GRID1: variants seen among roughly 807,000 people sequenced by gnomAD.
The protein encoded by GRID1 is glutamate ionotropic receptor delta type subunit 1.
Under a neutral mutation model 98.0 loss-of-function variants are expected in GRID1, and 28 were observed. The ratio of observed to expected loss-of-function variants is 0.29; its 90% CI spans 0.21 to 0.39. GRID1 has a LOEUF of 0.39. Among genes scored for constraint, GRID1 ranks in the 10% least tolerant of loss-of-function variants. The pLI is 1.00. For missense variants in GRID1, 1,111 were observed against 1,340.5 expected, an observed-to-expected ratio of 0.83 and a Z score of 2.67; for synonymous variants, 553 against 538.5, an observed-to-expected ratio of 1.03 and a Z score of -0.37.
intron 4 of GRID1, among the ~76,000 whole-genome samples, chr10:86,081,058 C>T (rs1170187892): frequency 6.6e-6 from 1 of 152,164 alleles, no homozygotes; most frequent in Non-Finnish European, 1.5e-5. Flanking sequence ...TCACTGCCAG[C>T]ATCTGCTGCA....
rs1056883710 is a variant in GRID1 at position 85,825,173 on chromosome 10, C to T, written c.1233+29323G>A. Among the ~76,000 whole-genome samples, 11 of 152,266 alleles carry T rather than the reference C, an allele frequency of 7.2e-5. 1 individual carries two copies. The highest frequency in any genetic ancestry group is 2.6e-4 in the African/African-American group (11 of 41,546). Reference sequence around the variant, plus strand: ...CATTCCCACCAGCAGTGTGTGTTTCCTTTTCACCACATCCATGCCAACATC... The same window carrying T: ...CATTCCCACCAGCAGTGTGTGTTTCTTTTTCACCACATCCATGCCAACATC... On this transcript the variant is annotated intron_variant, in intron 8 of 15. Coordinates refer to ENST00000327946, the MANE Select transcript of GRID1 (RefSeq NM_017551.3).
chr10:85,827,297 G>GATCATTC (rs1842828622), intron 8 of GRID1, among the ~76,000 whole-genome samples: 1 of 152,052 alleles, frequency 6.6e-6, no homozygotes, highest in Non-Finnish European at 1.5e-5. Context: ...TCATCAGATA[G>GATCATTC]AGCTAAAAAA....
At chr10:85,616,359 G>A (rs1354252085) in intron 14 of GRID1, among the ~76,000 whole-genome samples, 2 of 152,166 alleles carry the variant, frequency 1.3e-5, no homozygotes, top group African/African-American at 4.8e-5. Context: ...GGGTCATTCT[G>A]ACCCAGGAGG....
At chr10:86,273,597 T>C (rs1272435839) in intron 2 of GRID1, among the ~76,000 whole-genome samples, 1 of 151,912 alleles carries the variant, frequency 6.6e-6, no homozygotes, top group Non-Finnish European at 1.5e-5. Context: ...TTTTTAATGA[T>C]TGCCATTCTA....
At chr10:85,760,590 A>G (rs1401318274) in intron 8 of GRID1, among the ~76,000 whole-genome samples, 3 of 152,202 alleles carry the variant, frequency 2.0e-5, no homozygotes, top group Non-Finnish European at 4.4e-5. Flanking sequence ...CAAGCCTTTC[A>G]GTGTCTTGGA....
chr10:85,998,424 A>C (rs1842765926), intron 4 of GRID1, among the ~76,000 whole-genome samples: 1 of 152,206 alleles, frequency 6.6e-6, no homozygotes, highest in South Asian at 2.1e-4. Context: ...ATTAGAAAAT[A>C]TTTTGAATTA....
chr10:85,977,661 G>A (rs1256538694), intron 4 of GRID1, among the ~76,000 whole-genome samples: 12 of 152,172 alleles, frequency 7.9e-5, no homozygotes, highest in Non-Finnish European at 1.5e-5. Flanking sequence ...CACACTCAAG[G>A]CTGTCCCTCT....
chr10:85,644,758 C>A (rs568854876), intron 13 of GRID1, among the ~76,000 whole-genome samples: 4 of 152,278 alleles, frequency 2.6e-5, no homozygotes, highest in African/African-American at 9.6e-5. Flanking sequence ...AGCTCTTCTC[C>A]AAAGTGATTG....
At chr10:86,304,028 G>A (rs1380251302) in intron 2 of GRID1, among the ~76,000 whole-genome samples, 1 of 152,156 alleles carries the variant, frequency 6.6e-6, no homozygotes, top group Non-Finnish European at 1.5e-5. Flanking sequence ...CCCTCCAGCT[G>A]GAGACTCTTG....
chr10:85,978,001 G>A (rs1308861845), intron 4 of GRID1, among the ~76,000 whole-genome samples: 2 of 152,106 alleles, frequency 1.3e-5, no homozygotes, highest in Non-Finnish European at 1.5e-5. Flanking sequence ...TGGGCCAGAG[G>A]GCCAAAAGAG....
intron 3 of GRID1, among the ~76,000 whole-genome samples, chr10:86,199,977 T>C (rs558560367): frequency 6.6e-6 from 1 of 151,798 alleles, no homozygotes; most frequent in Admixed American, 6.6e-5. Context: ...TTTCTGGGGA[T>C]CCTGAGCATC....
chr10:86,225,889 C>T (rs1280444611), intron 2 of GRID1, among the ~76,000 whole-genome samples: 1 of 152,174 alleles, frequency 6.6e-6, no homozygotes, highest in Non-Finnish European at 1.5e-5. Context: ...CATGACATCA[C>T]GGCCGTGTGT....
Position 86,013,425 on chromosome 10 carries a change from A to T in GRID1, c.727-97186T>A, listed in dbSNP as rs887846904. ...ATACAAAAAGTAATGAGTTATATAG[A>T]TTGACAGTGGATCATCATAAACTTA... On this transcript the variant is annotated intron_variant, in intron 4 of 15. Transcript: ENST00000327946. Among the ~76,000 whole-genome samples the T allele has an allele frequency of 3.3e-5, 5 of 152,236 alleles. 1 individual carries two copies. Among genetic ancestry groups the T allele is most frequent in the Non-Finnish European group, 7.3e-5 (5 of 68,046 alleles).
chr10:86,036,768 G>C (rs543373997), intron 4 of GRID1, among the ~76,000 whole-genome samples: 4 of 152,264 alleles, frequency 2.6e-5, no homozygotes, highest in African/African-American at 9.6e-5. Flanking sequence ...AGCAGATGAG[G>C]ATCGACTGAA....
chr10:86,118,124 A>G (rs1215710362), intron 4 of GRID1, among the ~76,000 whole-genome samples: 1 of 152,226 alleles, frequency 6.6e-6, no homozygotes, highest in Non-Finnish European at 1.5e-5. Context: ...ACACACACAC[A>G]CACATCACCA....
chr10:85,891,791 C>T lies in GRID1; in HGVS notation c.781-22611G>A, dbSNP rs189845280. ...AAAGGACTAACAATGAATCAAGCAC[C>T]CAACCATGTAAAAGCATAATGTCTG... is the stretch of plus-strand genomic sequence containing the variant. On this transcript the variant is annotated intron_variant, in intron 5 of 15. Transcript: ENST00000327946. 9.2e-5 allele frequency among the ~76,000 whole-genome samples: 14 copies of T among 152,064 alleles called. 1 individual carries two copies. In the East Asian group the frequency reaches 2.7e-3, roughly 29 times the overall value.
chr10:85,881,333 A>C (rs1381903633), intron 5 of GRID1, among the ~76,000 whole-genome samples: 5 of 152,354 alleles, frequency 3.3e-5, no homozygotes, highest in African/African-American at 7.2e-5. Flanking sequence ...CTAAGCCAAA[A>C]GAACAAAGCC....
intron 4 of GRID1, among the ~76,000 whole-genome samples, chr10:85,995,482 C>A (rs1842729836): frequency 6.6e-6 from 1 of 152,204 alleles, no homozygotes; most frequent in African/African-American, 2.4e-5. Context: ...ACTAGGTGTG[C>A]ATGTCTGATT....
chr10:85,680,480 G>A (rs546545889), intron 12 of GRID1, among the ~76,000 whole-genome samples: 14 of 152,292 alleles, frequency 9.2e-5, no homozygotes, highest in African/African-American at 2.9e-4. Flanking sequence ...AATAGCAGAT[G>A]CTGGTAAGGA....
Sources: gnomAD v4.1 joint callset for allele counts (sites outside exome capture counted in the v4.1 genomes callset) on GRCh38, gnomAD v4.1.1 for gene constraint, MANE v1.5 for transcripts, NCBI Gene and HGNC (gene_info 2026-07-23, HGNC 2026-07-21) for gene names.